USP7: variants seen among roughly 807,000 people sequenced by gnomAD.
The protein encoded by USP7 is ubiquitin specific peptidase 7.
A neutral mutation model predicts 162.9 loss-of-function variants in USP7; 9 were observed. That is an observed-to-expected ratio of 0.06 (90% CI 0.03 to 0.10). USP7 has a LOEUF of 0.10. USP7 is among the 10% of genes least tolerant of loss of function. The pLI is 1.00. For missense variants in USP7, 715 were observed against 1,373.7 expected (o/e 0.52, Z 7.58); for synonymous variants, 562 against 475.9 (o/e 1.18, Z -2.35).
chr16:8,920,674 G>A (rs1304069853), intron 4 of USP7, among the ~76,000 whole-genome samples: 1 of 152,234 alleles, frequency 6.6e-6, no homozygotes, highest in African/African-American at 2.4e-5. Flanking sequence ...GAGGTACCCA[G>A]GGGCTCAGTG....
chr16:8,919,213 G>A, intron 5 of USP7, 74 bp from the exon 6 acceptor site: 2 of 1,487,328 alleles, frequency 1.3e-6, no homozygotes, highest in Non-Finnish European at 1.9e-6. Flanking sequence ...GAAGCAATCT[G>A]ACTCAAGGTC....
At chr16:8,937,320 G>A (rs533885757) in intron 1 of USP7, among the ~76,000 whole-genome samples, 5 of 152,160 alleles carry the variant, frequency 3.3e-5, no homozygotes, top group Non-Finnish European at 5.9e-5. Context: ...TGAGGCGGGC[G>A]GATCACCTGA....
At chr16:8,932,972 C>T (rs1189018742) in intron 1 of USP7, among the ~76,000 whole-genome samples, 3 of 150,504 alleles carry the variant, frequency 2.0e-5, no homozygotes, top group Non-Finnish European at 4.4e-5. Context: ...TATGGAGTTT[C>T]GCTCGTTGCC....
At chr16:8,940,560 C>A (rs1898993421) in intron 1 of USP7, among the ~76,000 whole-genome samples, 1 of 152,186 alleles carries the variant, frequency 6.6e-6, no homozygotes. Flanking sequence ...ATGGCCCCTG[C>A]ATCAGAAAGG....
chr16:8,950,759 C>T (rs1045021671), intron 1 of USP7, among the ~76,000 whole-genome samples: 3 of 152,214 alleles, frequency 2.0e-5, no homozygotes, highest in African/African-American at 7.2e-5. Flanking sequence ...GCGAGGGACC[C>T]AAGGGTCACC....
intron 18 of USP7, among the ~76,000 whole-genome samples, chr16:8,901,650 G>A (rs778772761): frequency 2.0e-5 from 3 of 152,152 alleles, no homozygotes; most frequent in African/African-American, 2.4e-5. Context: ...AGCAAATTCC[G>A]ATCCACCTGT....
chr16:8,912,472 A>G (rs1266399648), intron 10 of USP7, among the ~76,000 whole-genome samples: 1 of 151,996 alleles, frequency 6.6e-6, no homozygotes, highest in African/African-American at 2.4e-5. Context: ...AGAAAGAAAA[A>G]AGAAAATAAA....
rs570008066 is a variant in USP7, at chr16:8,954,999, C to T, written c.79+8208G>A. On this transcript the variant is annotated intron_variant, in intron 1 of 30. Coordinates refer to ENST00000344836, the MANE Select transcript of USP7 (RefSeq NM_003470.3). ...AATAAAAAAACAGTAACAGCAATTG[C>T]TGTTTCACACAACATTCTGCTCAGC... 1.4e-4 allele frequency among the ~76,000 whole-genome samples: 22 copies of T among 152,290 alleles called. No individual in the cohort carries two copies. The South Asian group carries it at 3.5e-3, about 24-fold the overall frequency.
intron 27 of USP7, 102 bp from the exon 28 acceptor site, chr16:8,895,252 T>C: frequency 6.4e-7 from 1 of 1,560,974 alleles, no homozygotes; most frequent in Admixed American, 1.8e-5. Flanking sequence ...GGGTAAAGCC[T>C]ATTTTTGCTA....
intron 14 of USP7, 135 bp from the exon 15 acceptor site, chr16:8,904,700 T>G (rs1596359489): frequency 1.9e-5 from 25 of 1,341,600 alleles, no homozygotes; most frequent in Non-Finnish European, 2.4e-5. Flanking sequence ...CCCAGCACTT[T>G]GGGAGGCTGA....
At chr16:8,911,964 T>G (rs766848566) in intron 10 of USP7, among the ~76,000 whole-genome samples, 4 of 152,078 alleles carry the variant, frequency 2.6e-5, no homozygotes, top group Non-Finnish European at 4.4e-5. Context: ...AGCTAACAAC[T>G]GAAAGGATGT....
chr16:8,905,272 G>A lies in USP7; in HGVS notation c.1488C>T (p.His496=). Reference sequence around the variant, plus strand: ...GGTCGTCATCGTGACCCCCATAATTGTGCTCAATTGCTTCCTCTTTAGTAC... The same window carrying A: ...GGTCGTCATCGTGACCCCCATAATTATGCTCAATTGCTTCCTCTTTAGTAC... The part of the protein sequence containing the change: ...SRCTKEEAIE[H]NYGGHDDDLS... Residue 496 remains histidine, a synonymous_variant, in exon 14 of 31, where the codon CAC becomes CAT. Coordinates refer to ENST00000344836, the MANE Select transcript of USP7 (RefSeq NM_003470.3). 6.2e-7 allele frequency: 1 copy of A among 1,614,172 alleles called. No homozygotes were observed. Among genetic ancestry groups the A allele is most frequent in the Non-Finnish European group, 8.5e-7 (1 of 1,180,034 alleles).
At chr16:8,923,530 G>T in intron 2 of USP7, 117 bp from the exon 3 acceptor site, 3 of 1,121,686 alleles carry the variant, frequency 2.7e-6, no homozygotes, top group Non-Finnish European at 2.5e-6. Flanking sequence ...AAACCTAACA[G>T]TTTGAAAAAA....
chr16:8,946,627 T>G (rs1899296249), intron 1 of USP7, among the ~76,000 whole-genome samples: 1 of 152,138 alleles, frequency 6.6e-6, no homozygotes, highest in African/African-American at 2.4e-5. Context: ...ATAGCTGAAC[T>G]GACACTCTGA....
In USP7 at chr16:8,901,069, A is replaced by G. The variant is rs767503046; in HGVS notation, c.2141-12T>C. ...TGGGAGCAAGTCACCTAGGAGAAAG[A>G]AGATATTTTAAATGTGTAGCTGTAA... On this transcript the variant is annotated splice_polypyrimidine_tract_variant and intron_variant, in intron 19 of 30. Transcript: ENST00000344836. 8 of 1,614,048 alleles carry G rather than the reference A, an allele frequency of 5.0e-6. No homozygotes were observed. The East Asian group carries it at 1.8e-4, about 36-fold the overall frequency.
chr16:8,950,781 C>CATGT (rs1353714013), intron 1 of USP7, among the ~76,000 whole-genome samples: 7 of 152,240 alleles, frequency 4.6e-5, no homozygotes, highest in Non-Finnish European at 1.0e-4. Flanking sequence ...GGCTTACATG[C>CATGT]ATGTCTTCCC....
intron 2 of USP7, among the ~76,000 whole-genome samples, chr16:8,927,348 A>G (rs539190401): frequency 6.6e-6 from 1 of 152,230 alleles, no homozygotes; most frequent in South Asian, 2.1e-4. Context: ...AAGTTAAAGA[A>G]AAACAGAATA....
chr16:8,948,707 T>C (rs1256023856), intron 1 of USP7, among the ~76,000 whole-genome samples: 1 of 152,092 alleles, frequency 6.6e-6, no homozygotes, highest in Admixed American at 6.6e-5. Flanking sequence ...GATATTAAGC[T>C]AAGTAAAAGC....
At chr16:8,898,029 T>C (rs1441858872) in intron 25 of USP7, among the ~76,000 whole-genome samples, 2 of 152,076 alleles carry the variant, frequency 1.3e-5, no homozygotes, top group Admixed American at 1.3e-4. Flanking sequence ...ACAGGCCTGC[T>C]GGACTCCCTG....
Sources: allele counts gnomAD v4.1 joint callset (sites outside exome capture counted in the v4.1 genomes callset), GRCh38; gene constraint gnomAD v4.1.1; transcripts MANE v1.5; gene names NCBI Gene and HGNC (gene_info 2026-07-23, HGNC 2026-07-21).